PLCB4: variants seen among roughly 807,000 people sequenced by gnomAD.
PLCB4 encodes the protein 1-phosphatidylinositol 4,5-bisphosphate phosphodiesterase beta-4.
In PLCB4, 77 loss-of-function variants were observed where a neutral mutation model predicts 178.8. That is an observed-to-expected ratio of 0.43 (90% CI 0.36 to 0.52). PLCB4 has a LOEUF of 0.52. Among genes scored for constraint, PLCB4 ranks in the 20% least tolerant of loss-of-function variants. PLCB4 has a pLI of 0.00. For missense variants in PLCB4, 1,024 were observed against 1,453.4 expected (o/e 0.70, Z 4.80); for synonymous variants, 496 against 490.8 (o/e 1.01, Z -0.14).
intron 1 of PLCB4, among the ~76,000 whole-genome samples, chr20:9,079,512 G>T (rs6056386): frequency 0.62 from 94,797 of 151,954 alleles, 29,692 homozygotes; most frequent in South Asian, 0.72. Context: ...CCTAAACGCT[G>T]GCTAGTGTCT....
chr20:9,221,944 C>T (rs2093803723), intron 3 of PLCB4, among the ~76,000 whole-genome samples: 1 of 151,992 alleles, frequency 6.6e-6, no homozygotes, highest in Non-Finnish European at 1.5e-5. Context: ...CCTAATAGTT[C>T]ACCTTTGCCT....
intron 16 of PLCB4, 47 bp from the exon 17 acceptor site, chr20:9,390,484 C>T (rs375926065): frequency 2.9e-5 from 25 of 865,748 alleles, no homozygotes; most frequent in Admixed American, 9.2e-5. Flanking sequence ...TATTCTTGGA[C>T]GGTTAATGGG....
At chr20:9,436,927 G>T in intron 29 of PLCB4, 75 bp from the exon 30 acceptor site, 1 of 1,398,576 alleles carries the variant, frequency 7.2e-7, no homozygotes, top group Non-Finnish European at 9.9e-7. Flanking sequence ...ACTGGATTCA[G>T]TAAAATAAAG....
chr20:9,154,132 C>T (rs1272223159), intron 2 of PLCB4, among the ~76,000 whole-genome samples: 1 of 152,138 alleles, frequency 6.6e-6, no homozygotes, highest in African/African-American at 2.4e-5. Context: ...ATCAGGTCCA[C>T]AGTGCACATG....
chr20:9,219,260 G>A (rs2093769282), intron 3 of PLCB4, among the ~76,000 whole-genome samples: 1 of 152,190 alleles, frequency 6.6e-6, no homozygotes, highest in South Asian at 2.1e-4. Flanking sequence ...ACAAGGTCAG[G>A]AGATTGACAC....
At chr20:9,262,979 A>G (rs906235163) in intron 3 of PLCB4, among the ~76,000 whole-genome samples, 1 of 152,144 alleles carries the variant, frequency 6.6e-6, no homozygotes, top group Non-Finnish European at 1.5e-5. Context: ...CGGCTCTCTT[A>G]TCTCTGCTCT....
Position 9,406,550 on chromosome 20 carries a change from G to A in PLCB4, c.1647+1202G>A, listed in dbSNP as rs537635327. On this transcript the variant is annotated intron_variant, in intron 21 of 39. Coordinates refer to ENST00000378473, the MANE Select transcript of PLCB4 (RefSeq NM_001377142.1). ...GTTGCCCAGGCTGGAGTGCAGTGGCGTGATCTCCGCTCACTGAAAGCTCTG... is the reference window on the plus strand; with the variant it reads ...GTTGCCCAGGCTGGAGTGCAGTGGCATGATCTCCGCTCACTGAAAGCTCTG... Among the ~76,000 whole-genome samples, 45 of 150,684 alleles carry A rather than the reference G, an allele frequency of 3.0e-4. No individual in the cohort carries two copies. The East Asian group carries it at 7.2e-3, about 24-fold the overall frequency.
At chr20:9,457,856 A>G (rs1046837492) in intron 34 of PLCB4, among the ~76,000 whole-genome samples, 1 of 152,196 alleles carries the variant, frequency 6.6e-6, no homozygotes, top group African/African-American at 2.4e-5. Context: ...AAAACCGCCC[A>G]AATTGGGAGG....
At chr20:9,127,816 C>G (rs1253350501) in intron 2 of PLCB4, among the ~76,000 whole-genome samples, 2 of 152,092 alleles carry the variant, frequency 1.3e-5, no homozygotes, top group Non-Finnish European at 2.9e-5. Context: ...TCCTGAGTAG[C>G]TGGGATTACA....
chr20:9,177,089 A>G (rs1198668696), intron 2 of PLCB4, among the ~76,000 whole-genome samples: 1 of 152,176 alleles, frequency 6.6e-6, no homozygotes, highest in Non-Finnish European at 1.5e-5. Flanking sequence ...AAGGAATCAA[A>G]TGAAGATGGA....
At chr20:9,390,388 T>C in intron 16 of PLCB4, 143 bp from the exon 17 acceptor site, 1 of 491,528 alleles carries the variant, frequency 2.0e-6, no homozygotes, top group Non-Finnish European at 3.7e-6. Context: ...AGTTAAAGTT[T>C]TTGATACATC....
At chr20:9,095,282 C>T (rs984936993) in intron 1 of PLCB4, among the ~76,000 whole-genome samples, 4 of 152,214 alleles carry the variant, frequency 2.6e-5, no homozygotes, top group Non-Finnish European at 4.4e-5. Context: ...AGGGACTCCT[C>T]TGGACTGTGG....
chr20:9,438,635 G>A (rs184626902), intron 30 of PLCB4, among the ~76,000 whole-genome samples: 124 of 152,244 alleles, frequency 8.1e-4, no homozygotes, highest in African/African-American at 2.9e-3. Flanking sequence ...GAAGAAGAAG[G>A]AGGGACAGAG....
intron 4 of PLCB4, among the ~76,000 whole-genome samples, chr20:9,317,189 A>G (rs1601804057): frequency 6.6e-6 from 1 of 152,314 alleles, no homozygotes; most frequent in East Asian, 1.9e-4. Context: ...TTTTGATGGT[A>G]ATGGTAGTAA....
intron 3 of PLCB4, among the ~76,000 whole-genome samples, chr20:9,292,814 C>T (rs1211340684): frequency 6.6e-6 from 1 of 152,146 alleles, no homozygotes; most frequent in Middle Eastern, 3.2e-3. Context: ...CACAGTGGCT[C>T]ACACCTGTAA....
chr20:9,120,212 A>G (rs2091910741), intron 2 of PLCB4, among the ~76,000 whole-genome samples: 1 of 152,226 alleles, frequency 6.6e-6, no homozygotes. Context: ...TACTGTGTGC[A>G]GCCTCATTAT....
At chr20:9,158,527 C>T (rs2092828882) in intron 2 of PLCB4, among the ~76,000 whole-genome samples, 1 of 151,736 alleles carries the variant, frequency 6.6e-6, no homozygotes, top group African/African-American at 2.4e-5. Flanking sequence ...CCTTGGCCTC[C>T]CAAAGTGCTG....
At chr20:9,318,664 T>C (rs865823287) in intron 4 of PLCB4, among the ~76,000 whole-genome samples, 1 of 152,170 alleles carries the variant, frequency 6.6e-6, no homozygotes, top group Non-Finnish European at 1.5e-5. Context: ...CAAAGTTACC[T>C]TCATCCAAAA....
intron 3 of PLCB4, among the ~76,000 whole-genome samples, chr20:9,307,549 CTTG>C (rs1179012262): frequency 2.2e-5 from 3 of 134,878 alleles, no homozygotes; most frequent in African/African-American, 5.7e-5. Flanking sequence ...ACACACACAT[CTTG>C]TTATTTTGTA....
Sources: allele counts gnomAD v4.1 joint callset (sites outside exome capture counted in the v4.1 genomes callset), GRCh38; gene constraint gnomAD v4.1.1; transcripts MANE v1.5; gene names NCBI Gene and HGNC (gene_info 2026-07-23, HGNC 2026-07-21).